The following FBXO32 variants were observed in gnomAD, a reference collection of about 807,000 sequenced individuals.
FBXO32 encodes F-box protein 32.
In FBXO32, 15 loss-of-function variants were observed where a neutral mutation model predicts 48.3. The ratio of observed to expected loss-of-function variants is 0.31; its 90% CI spans 0.21 to 0.48. The LOEUF (loss-of-function observed/expected upper bound fraction) is 0.48, where lower values mean the gene tolerates loss of function less well. Ranked by LOEUF, FBXO32 falls within the 20% of genes least tolerant of loss-of-function variation. FBXO32 has a pLI of 0.99. For synonymous variants in FBXO32, 154 were observed against 165.9 expected (o/e 0.93, Z 0.55); for missense variants, 309 against 432.7 (o/e 0.71, Z 2.54).
chr8:123,524,571 T>A (rs1001629682), intron 4 of FBXO32, among the ~76,000 whole-genome samples: 1 of 152,198 alleles, frequency 6.6e-6, no homozygotes, highest in Non-Finnish European at 1.5e-5. Flanking sequence ...AGTCTCCCTC[T>A]GTTACCCAGG....
chr8:123,508,510 G>C (rs968149316), intron 6 of FBXO32, among the ~76,000 whole-genome samples: 1 of 152,142 alleles, frequency 6.6e-6, no homozygotes, highest in Admixed American at 6.5e-5. Context: ...ATCCCTTCCA[G>C]CTCCAACAAT....
chr8:123,506,613 G>A lies in FBXO32; in HGVS notation c.652-39C>T. 6.5e-7 allele frequency: 1 copy of A among 1,532,360 alleles called. No homozygotes were observed. The highest frequency in any genetic ancestry group is 8.9e-7 in the Non-Finnish European group (1 of 1,128,768). The allele number at this position is 1,532,360 out of a possible 1,614,324, so 94.9% of individuals were successfully genotyped here. ...GGTGACAATAGGTGGGGGGGCCAGA[G>A]AGCAGCGATTCACCAGGCCACACCC... is the stretch of plus-strand genomic sequence containing the variant. On this transcript the variant is annotated intron_variant, in intron 6 of 8. Coordinates refer to ENST00000517956, the MANE Select transcript of FBXO32 (RefSeq NM_058229.4). This position sits in a 1 kb window ranked among gnomAD's most constrained non-coding sequence, Gnocchi z 4.0.
In FBXO32 at chr8:123,504,485, C is replaced by G. The variant is rs926373136; in HGVS notation, c.978+119G>C. On this transcript the variant is annotated intron_variant, in intron 8 of 8. Coordinates refer to ENST00000517956, the MANE Select transcript of FBXO32 (RefSeq NM_058229.4). ...CACTGAATCAGTTTACCCTCACTTT[C>G]AGCTGGGGGCTGTGATGGGGAAGAG... 3 of 402,744 alleles carry G rather than the reference C, an allele frequency of 7.4e-6. No individual in the cohort carries two copies. In the African/African-American group the frequency reaches 7.5e-5, roughly 10 times the overall value. 24.9% of individuals were successfully genotyped at this position (402,744 alleles called of 1,614,324 possible).
intron 4 of FBXO32, 66 bp from the exon 5 acceptor site, chr8:123,514,399 T>C (rs1816797497): frequency 7.7e-7 from 1 of 1,293,074 alleles, no homozygotes; most frequent in African/African-American, 1.5e-5. Flanking sequence ...TAATCTTCAC[T>C]TTTGAGTCCC....
chr8:123,519,438 C>A (rs1816905325), intron 4 of FBXO32, among the ~76,000 whole-genome samples: 1 of 151,010 alleles, frequency 6.6e-6, no homozygotes, highest in Admixed American at 6.6e-5. Flanking sequence ...GTAGTCCCAG[C>A]TACTCAGGAG....
Position 123,506,669 on chromosome 8 carries a change from C to T in FBXO32, c.652-95G>A. The T allele has an allele frequency of 9.4e-7, 1 of 1,067,820 alleles. No individual in the cohort carries two copies. The highest frequency in any genetic ancestry group is 1.4e-6 in the Non-Finnish European group (1 of 732,506). 66.1% of individuals were successfully genotyped at this position (1,067,820 alleles called of 1,614,324 possible). A position where few individuals can be genotyped will look rare whatever the true frequency, so the allele number is the denominator to read the frequency against. ...GCATGCAGCTGTGCCCGTCCTCCAC[C>T]CTCAAGGCAGTTTATTGATAAGAGG... On this transcript the variant is annotated intron_variant, in intron 6 of 8. Coordinates refer to ENST00000517956, the MANE Select transcript of FBXO32 (RefSeq NM_058229.4). This position sits in a 1 kb window ranked among gnomAD's most constrained non-coding sequence, Gnocchi z 4.0.
intron 1 of FBXO32, among the ~76,000 whole-genome samples, chr8:123,536,076 T>C (rs1008501052): frequency 6.6e-6 from 1 of 152,222 alleles, no homozygotes; most frequent in Non-Finnish European, 1.5e-5. Context: ...TCGGTTAGTA[T>C]AAGTATCTTG....
chr8:123,515,852 C>A (rs1816829096), intron 4 of FBXO32, among the ~76,000 whole-genome samples: 2 of 152,184 alleles, frequency 1.3e-5, no homozygotes, highest in South Asian at 4.2e-4. Context: ...ATTAGCCGGG[C>A]ATGGTGGCAC....
rs1816498434 is a variant in FBXO32 at position 123,501,867 on chromosome 8, A to G, written c.*1506T>C. On this transcript the variant is annotated 3_prime_UTR_variant, in exon 9 of 9. Transcript: ENST00000517956. Reference sequence around the variant, plus strand: ...AAAAAAAAAAAGCATATACAACTGCAAATATATGTACATTGTTGTAGGAAA... The same window carrying G: ...AAAAAAAAAAAGCATATACAACTGCGAATATATGTACATTGTTGTAGGAAA... The G allele has an allele frequency of 1.3e-5, 2 of 152,302 alleles. No homozygotes were observed. The highest frequency in any genetic ancestry group is 4.8e-5 in the African/African-American group (2 of 41,562). The allele number at this position is 152,302 out of a possible 1,614,324, so 9.4% of individuals were successfully genotyped here.
At chr8:123,515,873 T>G (rs1411505732) in intron 4 of FBXO32, among the ~76,000 whole-genome samples, 3 of 152,028 alleles carry the variant, frequency 2.0e-5, no homozygotes, top group Non-Finnish European at 4.4e-5. Flanking sequence ...ATGCCTGTGC[T>G]CCCAGCTACT....
At chr8:123,537,346 T>TTTTTA in intron 1 of FBXO32, among the ~76,000 whole-genome samples, 1 of 152,242 alleles carries the variant, frequency 6.6e-6, no homozygotes, top group Non-Finnish European at 1.5e-5. Flanking sequence ...CTAATCTTGA[T>TTTTTA]TTTTATAGGC....
chr8:123,532,070 C>A, intron 3 of FBXO32, 80 bp from the exon 4 acceptor site: 1 of 1,584,858 alleles, frequency 6.3e-7, no homozygotes, highest in Non-Finnish European at 8.6e-7. Context: ...GTTAGAACAA[C>A]CCAACTGGAT....
In FBXO32 at chr8:123,541,198, G is replaced by C. The variant is rs1046794386; in HGVS notation, c.-184C>G. The C allele has an allele frequency of 5.5e-6, 2 of 364,992 alleles. No individual in the cohort carries two copies. Among genetic ancestry groups the C allele is most frequent in the African/African-American group, 4.3e-5 (2 of 46,958 alleles). 22.6% of individuals were successfully genotyped at this position (364,992 alleles called of 1,614,324 possible). A position where few individuals can be genotyped will look rare whatever the true frequency, so the allele number is the denominator to read the frequency against. On this transcript the variant is annotated 5_prime_UTR_variant, in exon 1 of 9. Transcript: ENST00000517956. ...GAGGATCTCAAGCGTTGCAGGCTCC[G>C]GGAGTGCTGCGCGGCAGTAGCTGCC...
In FBXO32 at chr8:123,534,908, C is replaced by A. The variant is rs575537439; in HGVS notation, c.117-94G>T. 6.4e-5 allele frequency: 44 copies of A among 687,562 alleles called. 1 individual carries two copies. The South Asian group carries it at 9.2e-4, about 14-fold the overall frequency. The allele number at this position is 687,562 out of a possible 1,614,324, so 42.6% of individuals were successfully genotyped here. A position where few individuals can be genotyped will look rare whatever the true frequency, so the allele number is the denominator to read the frequency against. ...ATAACTCACTGAGTTATAAGACAAACAAACATACAGGCTTCTCAAACAAAA... is the reference window on the plus strand; with the variant it reads ...ATAACTCACTGAGTTATAAGACAAAAAAACATACAGGCTTCTCAAACAAAA... On this transcript the variant is annotated intron_variant, in intron 1 of 8. Transcript: ENST00000517956.
chr8:123,507,798 A>G (rs574253912), intron 6 of FBXO32, among the ~76,000 whole-genome samples: 1 of 152,246 alleles, frequency 6.6e-6, no homozygotes, highest in South Asian at 2.1e-4. Flanking sequence ...CTGAGTGCCT[A>G]CTATGGCCTG....
chr8:123,523,599 AAACAACAACAAC>A (rs143361308), intron 4 of FBXO32, among the ~76,000 whole-genome samples: 3 of 146,546 alleles, frequency 2.0e-5, no homozygotes, highest in African/African-American at 5.1e-5. Context: ...AAAACAAAAC[AAACAACAACAAC>A]AACAACAACA....
chr8:123,520,079 C>T (rs377127364), intron 4 of FBXO32, among the ~76,000 whole-genome samples: 26 of 152,312 alleles, frequency 1.7e-4, no homozygotes, highest in African/African-American at 5.8e-4. Flanking sequence ...TAAGCCATCG[C>T]GCACAGCCCA....
intron 4 of FBXO32, among the ~76,000 whole-genome samples, chr8:123,515,233 G>T (rs957051715): frequency 6.6e-6 from 1 of 152,006 alleles, no homozygotes; most frequent in East Asian, 1.9e-4. Flanking sequence ...TAAATAAAGG[G>T]TTTTCTTTGT....
At position 123,540,969 on chromosome 8, in the gene FBXO32, C is replaced by T. The variant is rs748572958; in HGVS notation, c.46G>A (p.Val16Met). 6.2e-7 allele frequency: 1 copy of T among 1,613,376 alleles called. No homozygotes were observed. The highest frequency in any genetic ancestry group is 8.5e-7 in the Non-Finnish European group (1 of 1,179,758). ...QDWRSPGQNW[V>M]KTADGWKRFL... is the part of the protein sequence containing the mutation. ...CGCTTCCAGCCGTCGGCCGTCTTCACCCAGTTCTGCCCGGGGGACCGCCAG... is the reference window on the plus strand; with the variant it reads ...CGCTTCCAGCCGTCGGCCGTCTTCATCCAGTTCTGCCCGGGGGACCGCCAG... Residue 16 changes from valine (V) to methionine (M), a missense_variant, in exon 1 of 9, where the codon GTG (valine) becomes ATG (methionine). Coordinates refer to ENST00000517956, the MANE Select transcript of FBXO32 (RefSeq NM_058229.4). The surrounding 1 kb of genome is among the most constrained non-coding windows in gnomAD (Gnocchi z 6.4).
Sources: allele counts gnomAD v4.1 joint callset (sites outside exome capture counted in the v4.1 genomes callset), GRCh38; gene constraint gnomAD v4.1.1; non-coding constraint Gnocchi (gnomAD v3.1); transcripts MANE v1.5; gene names NCBI Gene and HGNC (gene_info 2026-07-23, HGNC 2026-07-21).